The following SHOX variants were observed in gnomAD, a reference collection of about 807,000 sequenced individuals.
SHOX encodes the protein short stature homeobox protein.
A neutral mutation model predicts 29.6 loss-of-function variants in SHOX; 12 were observed. That is an observed-to-expected ratio of 0.41 (90% CI 0.26 to 0.66). The LOEUF is 0.66. Among genes scored for constraint, SHOX ranks in the 30% least tolerant of loss-of-function variants. SHOX has a pLI of 0.35. For synonymous variants in SHOX, 214 were observed against 200.6 expected, an observed-to-expected ratio of 1.07 and a Z score of -0.57; for missense variants, 499 against 437.7, an observed-to-expected ratio of 1.14 and a Z score of -1.25.
downstream of SHOX, among the ~76,000 whole-genome samples, chrX:653,142 G>A (rs34995914): frequency 0.14 from 20,702 of 152,138 alleles, 1,647 homozygotes; most frequent in African/African-American, 0.21. Context: ...TCAGGAAGCT[G>A]AGGCAGGAGA....
At position 644,938 on chromosome X, in the gene SHOX, G is replaced by A; in HGVS notation, c.*302G>A. 2.4e-6 allele frequency: 1 copy of A among 412,892 alleles called. No individual in the cohort carries two copies. Among genetic ancestry groups the A allele is most frequent in the Non-Finnish European group, 4.2e-6 (1 of 235,560 alleles). 25.6% of individuals were successfully genotyped at this position (412,892 alleles called of 1,614,324 possible). A position where few individuals can be genotyped will look rare whatever the true frequency, so the allele number is the denominator to read the frequency against. On this transcript the variant is annotated 3_prime_UTR_variant, in exon 5 of 5. Coordinates refer to ENST00000686671, the MANE Select transcript of SHOX (RefSeq NM_000451.4). ...CTGGAGAAGGGTAAACCCCCGCCTGGCTGCGTCTTCCTCTGCTATACCCTA... is the reference window on the plus strand; with the variant it reads ...CTGGAGAAGGGTAAACCCCCGCCTGACTGCGTCTTCCTCTGCTATACCCTA...
At chrX:625,057 T>TCCTCCCTCCCTCCCTCCTTCTCTC (rs2052493904) in intron 1 of SHOX, among the ~76,000 whole-genome samples, 5 of 97,164 alleles carry the variant, frequency 5.1e-5, no homozygotes, top group African/African-American at 1.7e-4. Flanking sequence ...CTCTGTTCCT[T>TCCTCCCTCCCTCCCTCCTTCTCTC]CCTCCCTCCC....
rs2052977002 is a variant in SHOX, at chrX:646,959, T to TA, written c.*2325dup. The TA allele has an allele frequency of 6.6e-6, 1 of 151,900 alleles. No individual in the cohort carries two copies. The highest frequency in any genetic ancestry group is 2.4e-5 in the African/African-American group (1 of 41,342). 9.4% of individuals were successfully genotyped at this position (151,900 alleles called of 1,614,324 possible). ...TGTACAGCCCTAGATTTTTTTTTTT[T>TA]AACCAAAAAGGCTGAGTAATTTTGA... On this transcript the variant is annotated 3_prime_UTR_variant, in exon 5 of 5. Coordinates refer to ENST00000686671, the MANE Select transcript of SHOX (RefSeq NM_000451.4).
chrX:655,903 G>C (rs888798712), downstream of SHOX, among the ~76,000 whole-genome samples: 1 of 151,504 alleles, frequency 6.6e-6, no homozygotes, highest in Non-Finnish European at 1.5e-5. Flanking sequence ...GGCTGGACGT[G>C]GTAGCTCACG....
upstream of SHOX, among the ~76,000 whole-genome samples, chrX:629,391 T>C (rs867369897): frequency 6.8e-6 from 1 of 147,290 alleles, no homozygotes; most frequent in South Asian, 2.2e-4. Context: ...GTGTCTCTCT[T>C]TCTCTCTCTC....
At position 650,792 on chromosome X, in the gene SHOX, TAAAAAAAAAAAA is replaced by T. The variant is rs1041655715; in HGVS notation, c.*6172_*6183del. Among the ~76,000 whole-genome samples, 14 of 50,836 alleles carry T rather than the reference TAAAAAAAAAAAA, an allele frequency of 2.8e-4. No individual in the cohort carries two copies. Among genetic ancestry groups the T allele is most frequent in the Non-Finnish European group, 4.1e-4 (11 of 27,070 alleles). The allele number at this position is 50,836 out of a possible 152,430, so 33.4% of individuals were successfully genotyped here. A position where few individuals can be genotyped will look rare whatever the true frequency, so the allele number is the denominator to read the frequency against. ...GGCTTTCGGTGGACACGTTTGACAT[TAAAAAAAAAAAA>T]AAAAAAAAAAAAAAACTGGTGCCTA... On this transcript the variant is annotated 3_prime_UTR_variant, in exon 5 of 5. Coordinates refer to ENST00000686671, the MANE Select transcript of SHOX (RefSeq NM_000451.4).
chrX:630,655 G>A (rs191787445), upstream of SHOX: 1,366 of 603,758 alleles, frequency 2.3e-3, 3 homozygotes, highest in Non-Finnish European at 3.5e-3. Flanking sequence ...TGCCGGCCTG[G>A]GGGGTGGGGG....
At chrX:634,569 G>T in intron 1 of SHOX, 49 bp from the exon 2 acceptor site, 1 of 1,600,576 alleles carries the variant, frequency 6.2e-7, no homozygotes, top group Non-Finnish European at 8.5e-7. Context: ...TCGCCACGTT[G>T]CGCAAAACCT....
intron 1 of SHOX, among the ~76,000 whole-genome samples, chrX:632,179 GGCTTCGCGGGCGC>G (rs1183684407): frequency 6.6e-6 from 1 of 152,082 alleles, no homozygotes; most frequent in Non-Finnish European, 1.5e-5. Context: ...GGAAGCTGGC[GGCTTCGCGGGCGC>G]GTCCTAAGTC....
At chrX:641,113 G>A in intron 4 of SHOX, 26 bp downstream of exon 4, 6 of 1,603,156 alleles carry the variant, frequency 3.7e-6, no homozygotes, top group Non-Finnish European at 5.1e-6. Flanking sequence ...TTCCTCTGAA[G>A]ATCCCTAGGG....
downstream of SHOX, among the ~76,000 whole-genome samples, chrX:654,500 A>G (rs1367666975): frequency 6.6e-6 from 1 of 152,116 alleles, no homozygotes; most frequent in Admixed American, 6.6e-5. Flanking sequence ...ACTGATTTCT[A>G]AAAAGGCTAT....
upstream of SHOX, among the ~76,000 whole-genome samples, chrX:629,954 A>G (rs2052617556): frequency 6.6e-6 from 1 of 152,102 alleles, no homozygotes; most frequent in Non-Finnish European, 1.5e-5. Context: ...CCCGGTAAAT[A>G]CCCCAGACGC....
At position 648,911 on chromosome X, in the gene SHOX, T is replaced by TTCCTTCCTTCCTTCCTTCCTTC. The variant is rs1569495686; in HGVS notation, c.*4275_*4276insTCCTTCCTTCCTTCCTTCCTTC. The stretch of plus-strand genomic sequence containing the variant: ...CTTCTCCTTCCTTCCTTCCTTCCTT[T>TTCCTTCCTTCCTTCCTTCCTTC]CTTTCTTTTTCTTTCTTTCTCTCTT... On this transcript the variant is annotated 3_prime_UTR_variant, in exon 5 of 5. Coordinates refer to ENST00000686671, the MANE Select transcript of SHOX (RefSeq NM_000451.4). 1.3e-3 allele frequency among the ~76,000 whole-genome samples: 172 copies of TTCCTTCCTTCCTTCCTTCCTTC among 127,484 alleles called. 2 individuals carry two copies. Among genetic ancestry groups the TTCCTTCCTTCCTTCCTTCCTTC allele is most frequent in the African/African-American group, 4.8e-3 (163 of 34,152 alleles). 83.6% of individuals were successfully genotyped at this position (127,484 alleles called of 152,430 possible). A position where few individuals can be genotyped will look rare whatever the true frequency, so the allele number is the denominator to read the frequency against.
intron 2 of SHOX, among the ~76,000 whole-genome samples, chrX:637,693 C>T (rs1369872834): frequency 4.6e-5 from 7 of 152,114 alleles, no homozygotes; most frequent in African/African-American, 1.7e-4. Flanking sequence ...TTCCAACACC[C>T]ACGTCCCGCG....
At chrX:627,818 C>G (rs1387145850), upstream of SHOX, among the ~76,000 whole-genome samples, 1 of 152,104 alleles carries the variant, frequency 6.6e-6, no homozygotes, top group Non-Finnish European at 1.5e-5. Flanking sequence ...ACGGGACCCC[C>G]CAGGAAAGCC....
Position 630,819 on chromosome X carries a change from C to G in SHOX, c.-79C>G. The G allele has an allele frequency of 6.4e-7, 1 of 1,558,142 alleles. No homozygotes were observed. Among genetic ancestry groups the G allele is most frequent in the South Asian group, 1.1e-5 (1 of 89,724 alleles). On this transcript the variant is annotated 5_prime_UTR_variant, in exon 1 of 5. Coordinates refer to ENST00000686671, the MANE Select transcript of SHOX (RefSeq NM_000451.4). ...AATAACAGCGCTGGTGATCCACCCG[C>G]GCGCACGGGCCGTCCTCTCCGCGCG...
At chrX:638,158 A>G (rs2052788993) in intron 2 of SHOX, among the ~76,000 whole-genome samples, 2 of 152,186 alleles carry the variant, frequency 1.3e-5, no homozygotes, top group Non-Finnish European at 2.9e-5. Flanking sequence ...CACTTCACTT[A>G]CCATATTCGG....
At chrX:631,742 G>C (rs773354088) in intron 1 of SHOX, among the ~76,000 whole-genome samples, 160 of 152,338 alleles carry the variant, frequency 1.1e-3, no homozygotes, top group African/African-American at 3.8e-3. Flanking sequence ...ATGTTGGCCA[G>C]GCTGGTCTCG....
Position 645,229 on chromosome X carries a change from G to A in SHOX, c.*593G>A, listed in dbSNP as rs1275256994. The A allele has an allele frequency of 1.3e-5, 2 of 152,166 alleles. No individual in the cohort carries two copies. The highest frequency in any genetic ancestry group is 2.4e-5 in the African/African-American group (1 of 41,436). The allele number at this position is 152,166 out of a possible 1,614,324, so 9.4% of individuals were successfully genotyped here. ...GCAATAAGGAAATAGTTCTCTGGCT[G>A]AGGCTGAGGACGTGAACCGCGGGCT... is the stretch of plus-strand genomic sequence containing the variant. On this transcript the variant is annotated 3_prime_UTR_variant, in exon 5 of 5. Coordinates refer to ENST00000686671, the MANE Select transcript of SHOX (RefSeq NM_000451.4).
Sources: gnomAD v4.1 joint callset for allele counts (sites outside exome capture counted in the v4.1 genomes callset) on GRCh38, gnomAD v4.1.1 for gene constraint, MANE v1.5 for transcripts, NCBI Gene and HGNC (gene_info 2026-07-23, HGNC 2026-07-21) for gene names.